Variants in PCDHA11 observed in about 807,000 individuals in gnomAD.
The protein encoded by PCDHA11 is protocadherin alpha-11.
A neutral mutation model predicts 70.3 loss-of-function variants in PCDHA11; 61 were observed. That is an observed-to-expected ratio of 0.87 (90% CI 0.71 to 1.07). The LOEUF is 1.07. Among genes scored for constraint, PCDHA11 ranks in the 50% least tolerant of loss-of-function variants. The pLI is 0.00. For missense variants in PCDHA11, 1,324 were observed against 1,237.5 expected (o/e 1.07, Z -1.05); for synonymous variants, 633 against 555.1 (o/e 1.14, Z -1.97).
At position 140,877,299 on chromosome 5, in the gene PCDHA11, C is replaced by A. The variant is rs374061607; in HGVS notation, c.2391+5805C>A. 1,401 of 1,613,926 alleles carry A rather than the reference C, an allele frequency of 8.7e-4. 20 individuals carry two copies. The South Asian group carries it at 0.013, about 15-fold the overall frequency. On this transcript the variant is annotated intron_variant, in intron 1 of 3. Transcript: ENST00000398640. ...CCGGCTATAACGCTTGGCTGTCCTA[C>A]GAGTTGCAACCGGCGGCGGTCGGCG...
chr5:140,883,915 G>A, intron 1 of PCDHA11: 1 of 1,613,348 alleles, frequency 6.2e-7, no homozygotes, highest in Non-Finnish European at 8.5e-7. Context: ...GCAGCAACGT[G>A]ACGCTGCAGG....
chr5:140,908,848 C>T (rs949816953), intron 1 of PCDHA11, among the ~76,000 whole-genome samples: 4 of 152,126 alleles, frequency 2.6e-5, no homozygotes, highest in East Asian at 3.9e-4. Context: ...GAGTAACATA[C>T]CCAAATGAGG....
chr5:140,966,470 T>C, intron 1 of PCDHA11: 1 of 431,298 alleles, frequency 2.3e-6, no homozygotes, highest in Non-Finnish European at 4.0e-6. Context: ...TCTTCCCTTC[T>C]GTTTCCTTTT....
chr5:140,877,647 G>A, intron 1 of PCDHA11: 2 of 1,613,510 alleles, frequency 1.2e-6, no homozygotes, highest in South Asian at 1.1e-5. Flanking sequence ...GTTGCTCAGC[G>A]CCGCCCACCG....
At chr5:140,967,921 C>G (rs781932025) in intron 1 of PCDHA11, 1 of 1,614,172 alleles carries the variant, frequency 6.2e-7, no homozygotes, top group East Asian at 2.2e-5. Flanking sequence ...CCATTGTGGC[C>G]GTTCTCAGTG....
chr5:140,999,032 C>T (rs2097843779), intron 3 of PCDHA11, among the ~76,000 whole-genome samples: 1 of 152,236 alleles, frequency 6.6e-6, no homozygotes, highest in South Asian at 2.1e-4. Flanking sequence ...TTTGATACTT[C>T]GTCCAGTGTG....
At chr5:140,879,802 T>A (rs535783687) in intron 1 of PCDHA11, among the ~76,000 whole-genome samples, 1 of 152,330 alleles carries the variant, frequency 6.6e-6, no homozygotes, top group Non-Finnish European at 1.5e-5. Flanking sequence ...TCTTCCAGTT[T>A]CTATTGGCTG....
chr5:141,007,694 C>T (rs1466885866), intron 3 of PCDHA11, among the ~76,000 whole-genome samples: 1 of 152,186 alleles, frequency 6.6e-6, no homozygotes, highest in Non-Finnish European at 1.5e-5. Context: ...CTTCCACCTC[C>T]CTCCTCTGCC....
chr5:140,947,192 C>T (rs958443362), intron 1 of PCDHA11, among the ~76,000 whole-genome samples: 2 of 151,038 alleles, frequency 1.3e-5, no homozygotes, highest in Admixed American at 6.6e-5. Flanking sequence ...GTATACTACA[C>T]AGCCTTAAAA....
At chr5:140,964,802 GA>G (rs1187447949) in intron 1 of PCDHA11, among the ~76,000 whole-genome samples, 2 of 151,946 alleles carry the variant, frequency 1.3e-5, no homozygotes, top group African/African-American at 4.8e-5. Context: ...CCCAAGAAAG[GA>G]GACAGGAATA....
chr5:141,003,017 G>T (rs1398844749), intron 3 of PCDHA11, among the ~76,000 whole-genome samples: 1 of 152,240 alleles, frequency 6.6e-6, no homozygotes, highest in Non-Finnish European at 1.5e-5. Flanking sequence ...GGGAAAGTCA[G>T]TGTAAATCAG....
Position 140,871,203 on chromosome 5 carries a change from C to T in PCDHA11, c.2100C>T (p.Ile700=). 6.2e-7 allele frequency: 1 copy of T among 1,613,744 alleles called. No homozygotes were observed. Among genetic ancestry groups the T allele is most frequent in the East Asian group, 2.2e-5 (1 of 44,866 alleles). The change falls in exon 1 of 4, where the codon ATC becomes ATT. Residue 700 remains isoleucine, a synonymous_variant. Coordinates refer to ENST00000398640, the MANE Select transcript of PCDHA11 (RefSeq NM_018902.5). ...TGGTGGATGTCAACGTGTACCTGAT[C>T]ATCGCCATCTGCGTGGTGTCCAGCC... ...AALVDVNVYL[I]IAICVVSSLL...
At chr5:140,994,387 C>G (rs192635308) in intron 3 of PCDHA11, among the ~76,000 whole-genome samples, 1 of 152,174 alleles carries the variant, frequency 6.6e-6, no homozygotes, top group South Asian at 2.1e-4. Context: ...GGGACTAAGT[C>G]AGAGATTATT....
rs531014522 is a variant in PCDHA11, at chr5:140,870,425, C to A, written c.1322C>A (p.Ser441Tyr). 5 of 1,614,190 alleles carry A rather than the reference C, an allele frequency of 3.1e-6. No homozygotes were observed. The highest frequency in any genetic ancestry group is 3.3e-5 in the Admixed American group (2 of 60,032). The change falls in exon 1 of 4, where the codon TCC (serine) becomes TAC (tyrosine). Residue 441 changes from serine to tyrosine, a missense_variant. Physicochemically the swap from Ser to Tyr is moderately radical, Grantham distance 144. Coordinates refer to ENST00000398640, the MANE Select transcript of PCDHA11 (RefSeq NM_018902.5). ...SPSLWATARV[S>Y]VEVADVNDNA... ...TCTCTGTGGGCCACGGCCAGGGTAT[C>A]CGTGGAGGTGGCCGACGTGAACGAC...
chr5:140,884,692 G>A, intron 1 of PCDHA11: 7 of 1,528,834 alleles, frequency 4.6e-6, no homozygotes, highest in Non-Finnish European at 6.1e-6. Context: ...AATTGTCTTA[G>A]TAAACACTTT....
intron 1 of PCDHA11, among the ~76,000 whole-genome samples, chr5:140,960,334 T>C (rs902345282): frequency 6.6e-6 from 1 of 152,182 alleles, no homozygotes; most frequent in African/African-American, 2.4e-5. Context: ...GAGAAGTACA[T>C]GAGGTGAGAT....
chr5:140,917,256 T>C (rs1043140553), intron 1 of PCDHA11, among the ~76,000 whole-genome samples: 6 of 151,524 alleles, frequency 4.0e-5, no homozygotes, highest in African/African-American at 7.3e-5. Context: ...ATTGCTCACC[T>C]GATGTTTGGT....
At chr5:140,974,905 A>G (rs1276795577) in intron 1 of PCDHA11, among the ~76,000 whole-genome samples, 2 of 152,208 alleles carry the variant, frequency 1.3e-5, no homozygotes, top group African/African-American at 4.8e-5. Context: ...TTTGTAACAA[A>G]TTACCACAAG....
chr5:140,993,631 G>C (rs1466996708), intron 3 of PCDHA11, among the ~76,000 whole-genome samples: 1 of 152,046 alleles, frequency 6.6e-6, no homozygotes, highest in African/African-American at 2.4e-5. Context: ...ATATATAGTC[G>C]TGTACCAAAT....
Sources: allele counts gnomAD v4.1 joint callset (sites outside exome capture counted in the v4.1 genomes callset), GRCh38; gene constraint gnomAD v4.1.1; transcripts MANE v1.5; gene names NCBI Gene and HGNC (gene_info 2026-07-23, HGNC 2026-07-21).